The following CCDC7 variants were observed in gnomAD, a reference collection of about 807,000 sequenced individuals.
CCDC7 encodes coiled-coil domain containing 7, also known as coiled-coil domain-containing protein 7.
A neutral mutation model predicts 196.9 loss-of-function variants in CCDC7; 183 were observed. That is an observed-to-expected ratio of 0.93 (90% CI 0.82 to 1.05). The LOEUF is 1.05. CCDC7 is among the 50% of genes least tolerant of loss of function. The probability of loss-of-function intolerance (pLI) is 0.00; values close to 1 mark genes in which losing one functional copy is unlikely to be tolerated. For missense variants in CCDC7, 1,540 were observed against 1,482.2 expected (o/e 1.04, Z -0.64); for synonymous variants, 525 against 484.6 (o/e 1.08, Z -1.10).
chr10:32,778,890 C>A, intron 28 of CCDC7, 87 bp from the exon 30 acceptor site: 1 of 909,680 alleles, frequency 1.1e-6, no homozygotes, highest in Non-Finnish European at 1.7e-6. Context: ...AGAGATCTTT[C>A]ACCTTCTTGG....
downstream of CCDC7, among the ~76,000 whole-genome samples, chr10:32,881,869 A>G (rs2094802355): frequency 6.6e-6 from 1 of 152,094 alleles, no homozygotes; most frequent in Non-Finnish European, 1.5e-5. Flanking sequence ...TCATCTTCTC[A>G]TAGTTAAGTC....
intron 13 of CCDC7, among the ~76,000 whole-genome samples, chr10:32,546,485 T>A (rs1310796060): frequency 4.6e-5 from 7 of 152,178 alleles, no homozygotes; most frequent in African/African-American, 1.4e-4. Context: ...TTAACAACCA[T>A]CTAGCATTAT....
intron 9 of CCDC7, among the ~76,000 whole-genome samples, chr10:32,506,801 G>A (rs1330431471): frequency 2.6e-5 from 4 of 152,176 alleles, no homozygotes; most frequent in African/African-American, 4.8e-5. Flanking sequence ...GCAGCAAGCC[G>A]AGATCATGGC....
intron 5 of CCDC7, among the ~76,000 whole-genome samples, chr10:32,467,597 T>C (rs1334923602): frequency 2.0e-5 from 3 of 152,196 alleles, no homozygotes; most frequent in African/African-American, 7.2e-5. Flanking sequence ...TTTAATTGGA[T>C]CCTATTTGTT....
At chr10:32,689,212 A>G in intron 23 of CCDC7, 49 bp downstream of exon 24, 1 of 1,188,988 alleles carries the variant, frequency 8.4e-7, no homozygotes, top group Non-Finnish European at 1.2e-6. Flanking sequence ...AAGTAAGTTC[A>G]TCCGAAGGTA....
At chr10:32,874,172 A>G (rs1009826730) in intron 41 of CCDC7, among the ~76,000 whole-genome samples, 6 of 148,824 alleles carry the variant, frequency 4.0e-5, no homozygotes, top group Admixed American at 2.0e-4. Flanking sequence ...ATTATATTCA[A>G]TTATAAAGAT....
At chr10:32,530,247 T>C (rs1342047541) in intron 11 of CCDC7, among the ~76,000 whole-genome samples, 1 of 152,192 alleles carries the variant, frequency 6.6e-6, no homozygotes, top group African/African-American at 2.4e-5. Context: ...TTGCTTTGGC[T>C]ATGTGGGCTC....
chr10:32,796,208 T>C (rs1175253437), intron 29 of CCDC7, among the ~76,000 whole-genome samples: 1 of 152,152 alleles, frequency 6.6e-6, no homozygotes, highest in Non-Finnish European at 1.5e-5. Flanking sequence ...CTCATTCTCA[T>C]AATGGGTTCT....
intron 13 of CCDC7, among the ~76,000 whole-genome samples, chr10:32,562,660 AGAG>A (rs2055938007): frequency 6.6e-6 from 1 of 152,142 alleles, no homozygotes; most frequent in Non-Finnish European, 1.5e-5. Context: ...CAAAATAATA[AGAG>A]CTATCTATGA....
chr10:32,779,129 A>G, intron 29 of CCDC7, 45 bp downstream of exon 30: 1 of 1,362,400 alleles, frequency 7.3e-7, no homozygotes, highest in Non-Finnish European at 1.0e-6. Flanking sequence ...ACAATCTAAG[A>G]ATTAAAATAT....
upstream of CCDC7, among the ~76,000 whole-genome samples, chr10:32,445,374 G>C (rs2490501): frequency 0.97 from 147,746 of 152,282 alleles, 71,832 homozygotes; most frequent in East Asian, 1. Context: ...TAGATATAAT[G>C]AATTTTCAGA....
At chr10:32,814,416 A>G in exon 31 of CCDC7, 1 of 1,612,356 alleles carries the variant, frequency 6.2e-7, no homozygotes, top group South Asian at 1.1e-5. Context: ...GAGATATACT[A>G]AAGGATGAAT....
At chr10:32,600,569 T>C (rs2060890578) in intron 18 of CCDC7, among the ~76,000 whole-genome samples, 1 of 152,186 alleles carries the variant, frequency 6.6e-6, no homozygotes, top group Admixed American at 6.5e-5. Flanking sequence ...CTTGCTTGAA[T>C]GCTCTGGCTA....
At chr10:32,820,370 T>A (rs557830171) in intron 31 of CCDC7, among the ~76,000 whole-genome samples, 2 of 151,954 alleles carry the variant, frequency 1.3e-5, no homozygotes, top group Non-Finnish European at 2.9e-5. Context: ...TCAATAGAAT[T>A]GTGAAAATGG....
intron 28 of CCDC7, among the ~76,000 whole-genome samples, chr10:32,749,434 G>A (rs780481423): frequency 3.2e-4 from 49 of 152,160 alleles, no homozygotes; most frequent in Non-Finnish European, 6.0e-4. Context: ...TCTAAAATAT[G>A]TATACCATAA....
intron 28 of CCDC7, among the ~76,000 whole-genome samples, chr10:32,774,854 A>G (rs1183643345): frequency 6.6e-6 from 1 of 152,126 alleles, no homozygotes; most frequent in East Asian, 1.9e-4. Context: ...TGTGTGGTAG[A>G]TTGATGGAGG....
At chr10:32,469,372 C>T (rs2037476991) in intron 5 of CCDC7, among the ~76,000 whole-genome samples, 1 of 152,226 alleles carries the variant, frequency 6.6e-6, no homozygotes, top group Admixed American at 6.5e-5. Context: ...TATCCCCAAT[C>T]ATTCCCTCCC....
intron 31 of CCDC7, among the ~76,000 whole-genome samples, chr10:32,818,575 C>T (rs2089386907): frequency 6.6e-6 from 1 of 152,094 alleles, no homozygotes; most frequent in African/African-American, 2.4e-5. Context: ...CAAAATTGAC[C>T]ACATAGTTGG....
intron 9 of CCDC7, chr10:32,511,737 C>T (rs2046241360): frequency 1.3e-6 from 2 of 1,577,248 alleles, no homozygotes; most frequent in Non-Finnish European, 1.7e-6. Context: ...TCTTCACCTG[C>T]CGTTATGGCT....
Sources: allele counts gnomAD v4.1 joint callset (sites outside exome capture counted in the v4.1 genomes callset), GRCh38; gene constraint gnomAD v4.1.1; transcripts MANE v1.5; gene names NCBI Gene and HGNC (gene_info 2026-07-23, HGNC 2026-07-21).